Variants in ZFHX3 observed in about 807,000 individuals in gnomAD.
ZFHX3 encodes zinc finger homeobox 3.
In ZFHX3, 42 loss-of-function variants were observed where a neutral mutation model predicts 279.1. That is an observed-to-expected ratio of 0.15 (90% CI 0.12 to 0.19). The LOEUF (loss-of-function observed/expected upper bound fraction) is 0.19, where lower values mean the gene tolerates loss of function less well. ZFHX3 is among the 10% of genes least tolerant of loss of function. ZFHX3 has a pLI of 1.00. For synonymous variants in ZFHX3, 2,293 were observed against 1,957.8 expected, an observed-to-expected ratio of 1.17 and a Z score of -4.52; for missense variants, 4,981 against 4,754.0, an observed-to-expected ratio of 1.05 and a Z score of -1.40.
Position 72,798,205 on chromosome 16 carries a change from T to C in ZFHX3, c.4477A>G (p.Lys1493Glu), listed in dbSNP as rs780804379. ...EDHTIIVEED[K>E]EEESDLEDKQ... ...TCTTCCAAGTCACTCTCTTCCTCCT[T>C]GTCTTCCTCAACAATTATGGTATGG... Residue 1493 changes from lysine to glutamate, a missense_variant, in exon 9 of 10, where the codon AAG (lysine) becomes GAG (glutamate). Lys to Glu is a moderately conservative substitution (Grantham distance 56). This residue lies in a region of ZFHX3 where 1,751 missense variants were observed against 1,770.0 expected (regional missense o/e 0.99). Coordinates refer to ENST00000268489, the MANE Select transcript of ZFHX3 (RefSeq NM_006885.4). The C allele has an allele frequency of 2.5e-6, 4 of 1,614,202 alleles. No homozygotes were observed. Among genetic ancestry groups the C allele is most frequent in the Non-Finnish European group, 3.4e-6 (4 of 1,180,040 alleles).
At chr16:72,932,630 A>G (rs1402927599) in intron 3 of ZFHX3, among the ~76,000 whole-genome samples, 1 of 149,294 alleles carries the variant, frequency 6.7e-6, no homozygotes, top group African/African-American at 2.5e-5. Context: ...TCTTCAGGGA[A>G]ATTCCATCTC....
At chr16:73,240,471 G>A (rs965909908) in intron 5 of ZFHX3, among the ~76,000 whole-genome samples, 7 of 151,994 alleles carry the variant, frequency 4.6e-5, no homozygotes, top group Admixed American at 3.9e-4. Flanking sequence ...TGCCCACCTC[G>A]GCCTCTCAAA....
chr16:72,891,389 G>A (rs189069992), intron 3 of ZFHX3, among the ~76,000 whole-genome samples: 8 of 152,322 alleles, frequency 5.3e-5, no homozygotes, highest in Admixed American at 5.2e-4. Context: ...CCAGGCTTCT[G>A]TGGCTAGGAA....
intron 2 of ZFHX3, among the ~76,000 whole-genome samples, chr16:73,600,165 G>C (rs550447017): frequency 4.9e-4 from 74 of 152,236 alleles, no homozygotes; most frequent in South Asian, 1.0e-3. Flanking sequence ...TCCAAATCTG[G>C]ATAAGGTTGT....
At chr16:73,258,757 T>C (rs2013734311) in intron 4 of ZFHX3, among the ~76,000 whole-genome samples, 4 of 152,248 alleles carry the variant, frequency 2.6e-5, no homozygotes. Flanking sequence ...CTTTGCTTTA[T>C]ATCTATGCTT....
At chr16:73,544,902 A>T (rs989712601) in intron 2 of ZFHX3, among the ~76,000 whole-genome samples, 1 of 152,202 alleles carries the variant, frequency 6.6e-6, no homozygotes, top group South Asian at 2.1e-4. Flanking sequence ...ATAAAAAGAT[A>T]CTAAAGTGCT....
chr16:72,825,638 G>T (rs906161535), intron 5 of ZFHX3, among the ~76,000 whole-genome samples: 1 of 152,214 alleles, frequency 6.6e-6, no homozygotes, highest in African/African-American at 2.4e-5. Flanking sequence ...GGAAGGACAG[G>T]TGTGAAGCTC....
intron 2 of ZFHX3, among the ~76,000 whole-genome samples, chr16:73,653,748 T>C (rs1257668741): frequency 6.6e-6 from 1 of 150,784 alleles, no homozygotes; most frequent in Non-Finnish European, 1.5e-5. Flanking sequence ...ACAGAATGTG[T>C]TGAAAAACTA....
At chr16:73,866,924 G>A (rs1366936484) in intron 1 of ZFHX3, among the ~76,000 whole-genome samples, 3 of 152,202 alleles carry the variant, frequency 2.0e-5, no homozygotes, top group Non-Finnish European at 4.4e-5. Flanking sequence ...GAGAAGTGCA[G>A]TTCTTATCCG....
In ZFHX3 at chr16:73,645,518, A is replaced by G. The variant is rs185328057; in HGVS notation, c.-1547+34662T>C. ...TGATCTGCCCGCCTTGGCCTCCCAA[A>G]GTGTAAAGGACCATCTTTAACGACA... On this transcript the variant is annotated intron_variant, in intron 2 of 17. Coordinates refer to the ZFHX3 transcript ENST00000641206. Among the ~76,000 whole-genome samples the G allele has an allele frequency of 4.0e-3, 605 of 152,306 alleles. 5 individuals carry two copies. The highest frequency in any genetic ancestry group is 0.014 in the African/African-American group (576 of 41,568).
At position 73,019,343 on chromosome 16, in the gene ZFHX3, C is replaced by CATGTGTGT. The variant is rs1555542114; in HGVS notation, c.-50+28408_-50+28409insACACACAT. ...CAGCGTGTGCGTGTGTGTGTCTGTGCGTGTGTGTGTGTGTGTGTGTGTGTG... is the reference window on the plus strand; with the variant it reads ...CAGCGTGTGCGTGTGTGTGTCTGTGCATGTGTGTGTGTGTGTGTGTGTGTGTGTGTGTG... On this transcript the variant is annotated intron_variant, in intron 1 of 9. Transcript: ENST00000268489. Among the ~76,000 whole-genome samples the CATGTGTGT allele has an allele frequency of 9.5e-3, 1,430 of 150,154 alleles. 23 individuals are homozygous for CATGTGTGT. Among genetic ancestry groups the CATGTGTGT allele is most frequent in the African/African-American group, 0.033 (1,341 of 40,970 alleles).
intron 3 of ZFHX3, among the ~76,000 whole-genome samples, chr16:73,395,599 T>A (rs1048378240): frequency 2.0e-5 from 3 of 152,112 alleles, no homozygotes; most frequent in Non-Finnish European, 4.4e-5. Flanking sequence ...GAGTTGTAGC[T>A]GGCACATAGT....
At chr16:73,586,252 G>C (rs1298144681) in intron 2 of ZFHX3, among the ~76,000 whole-genome samples, 1 of 150,666 alleles carries the variant, frequency 6.6e-6, no homozygotes, top group Non-Finnish European at 1.5e-5. Flanking sequence ...AGCTGGGTGT[G>C]GTGGCACATG....
intron 1 of ZFHX3, among the ~76,000 whole-genome samples, chr16:73,868,922 A>G (rs1962098513): frequency 6.6e-6 from 1 of 152,138 alleles, no homozygotes; most frequent in South Asian, 2.1e-4. Context: ...TAGCATTTTC[A>G]TTCTTTCTCA....
intron 1 of ZFHX3, among the ~76,000 whole-genome samples, chr16:73,769,042 A>G (rs1041793985): frequency 1.3e-5 from 2 of 152,114 alleles, no homozygotes; most frequent in African/African-American, 4.8e-5. Context: ...TTAAAAAATG[A>G]TTCATTGTTT....
chr16:73,043,387 A>G (rs1442108256), intron 1 of ZFHX3, among the ~76,000 whole-genome samples: 4 of 152,190 alleles, frequency 2.6e-5, no homozygotes, highest in Non-Finnish European at 5.9e-5. Flanking sequence ...ACAAAACAGA[A>G]GTCTTGCTTC....
At chr16:73,338,937 C>T (rs1385687371) in intron 3 of ZFHX3, among the ~76,000 whole-genome samples, 1 of 152,198 alleles carries the variant, frequency 6.6e-6, no homozygotes, top group Non-Finnish European at 1.5e-5. Context: ...CCCCCTTGCT[C>T]TCTTCCTCCT....
intron 1 of ZFHX3, among the ~76,000 whole-genome samples, chr16:73,788,470 C>G (rs761031384): frequency 3.9e-5 from 6 of 152,134 alleles, no homozygotes; most frequent in Non-Finnish European, 8.8e-5. Context: ...AATTATTATA[C>G]AAAGTGACTT....
chr16:73,415,573 A>C (rs896433716), intron 3 of ZFHX3, among the ~76,000 whole-genome samples: 1 of 152,228 alleles, frequency 6.6e-6, no homozygotes, highest in Non-Finnish European at 1.5e-5. Flanking sequence ...CTCAAACCTT[A>C]GCATTCCCTC....
Sources: gnomAD v4.1 joint callset for allele counts (sites outside exome capture counted in the v4.1 genomes callset) on GRCh38, gnomAD v4.1.1 for gene constraint, gnomAD v4.1.1 regional missense constraint, MANE v1.5 for transcripts, NCBI Gene and HGNC (gene_info 2026-07-23, HGNC 2026-07-21) for gene names.